Variants in ST8SIA4 observed in about 807,000 individuals in gnomAD.
The protein encoded by ST8SIA4 is CMP-N-acetylneuraminate-poly-alpha-2,8-sialyltransferase.
A neutral mutation model predicts 33.9 loss-of-function variants in ST8SIA4; 15 were observed. The ratio of observed to expected loss-of-function variants is 0.44; its 90% CI spans 0.30 to 0.68. The LOEUF is 0.68. Among genes scored for constraint, ST8SIA4 ranks in the 30% least tolerant of loss-of-function variants. The pLI is 0.10. For missense variants in ST8SIA4, 321 were observed against 428.0 expected, an observed-to-expected ratio of 0.75 and a Z score of 2.21; for synonymous variants, 171 against 151.2, an observed-to-expected ratio of 1.13 and a Z score of -0.96.
chr5:100,853,020 G>T (rs903720447), intron 4 of ST8SIA4, among the ~76,000 whole-genome samples: 1 of 152,108 alleles, frequency 6.6e-6, no homozygotes, highest in Non-Finnish European at 1.5e-5. Flanking sequence ...CTCATGAGAG[G>T]CAACCAACTC....
At chr5:100,861,971 C>T (rs1158718560) in intron 3 of ST8SIA4, among the ~76,000 whole-genome samples, 4 of 152,150 alleles carry the variant, frequency 2.6e-5, no homozygotes, top group Non-Finnish European at 5.9e-5. Flanking sequence ...CATGCTCTTT[C>T]CTTTTACAAT....
In ST8SIA4 at chr5:100,809,841, C is replaced by T. The variant is rs1368004444; in HGVS notation, c.*2006G>A. ...ATTAGATTTTACTTACTTAGAGACA[C>T]ATACATTCTCAAAAGATGTAATATT... On this transcript the variant is annotated 3_prime_UTR_variant, in exon 5 of 5. Transcript: ENST00000231461. The T allele has an allele frequency of 6.6e-6, 1 of 152,060 alleles. No homozygotes were observed. Among genetic ancestry groups the T allele is most frequent in the East Asian group, 1.9e-4 (1 of 5,194 alleles). The allele number at this position is 152,060 out of a possible 1,614,324, so 9.4% of individuals were successfully genotyped here. A position where few individuals can be genotyped will look rare whatever the true frequency, so the allele number is the denominator to read the frequency against.
intron 2 of ST8SIA4, chr5:100,890,842 A>G (rs990774560): frequency 6.6e-6 from 1 of 151,672 alleles, no homozygotes; most frequent in Non-Finnish European, 1.5e-5. Context: ...CATAAAAACT[A>G]TTTTTTTTGT....
rs114635319 is a variant in ST8SIA4, at chr5:100,840,923, C to G, written c.797+15180G>C. Among the ~76,000 whole-genome samples the G allele has an allele frequency of 9.0e-3, 1,371 of 151,900 alleles. 17 individuals are homozygous for G. Among genetic ancestry groups the G allele is most frequent in the African/African-American group, 0.031 (1,301 of 41,502 alleles). ...AGTAAGTACCCCTTTCCCTGGCCCC[C>G]ACCTAATCCATTTGCAATCACAGTA... On this transcript the variant is annotated intron_variant, in intron 4 of 4. Coordinates refer to ENST00000231461, the MANE Select transcript of ST8SIA4 (RefSeq NM_005668.6).
chr5:100,833,807 C>G (rs1228267395), intron 4 of ST8SIA4, among the ~76,000 whole-genome samples: 1 of 152,054 alleles, frequency 6.6e-6, no homozygotes, highest in Non-Finnish European at 1.5e-5. Context: ...TTTAATCAGT[C>G]CCCTAACTCA....
chr5:100,823,398 C>G (rs1751074052), intron 4 of ST8SIA4, among the ~76,000 whole-genome samples: 1 of 152,134 alleles, frequency 6.6e-6, no homozygotes, highest in Non-Finnish European at 1.5e-5. Context: ...ATGAAGTAGC[C>G]ATTCTTATAT....
intron 2 of ST8SIA4, among the ~76,000 whole-genome samples, chr5:100,889,526 A>G (rs1353722187): frequency 6.6e-6 from 1 of 152,000 alleles, no homozygotes; most frequent in Non-Finnish European, 1.5e-5. Flanking sequence ...TTGGTCAAAA[A>G]AGTTAACACA....
At chr5:100,877,929 C>T (rs1318358450) in intron 3 of ST8SIA4, among the ~76,000 whole-genome samples, 1 of 152,138 alleles carries the variant, frequency 6.6e-6, no homozygotes, top group Non-Finnish European at 1.5e-5. Flanking sequence ...TCCGTCTTTA[C>T]TACCCCTCAA....
intron 4 of ST8SIA4, among the ~76,000 whole-genome samples, chr5:100,830,932 T>C (rs1269540963): frequency 6.6e-6 from 1 of 152,222 alleles, no homozygotes; most frequent in Non-Finnish European, 1.5e-5. Flanking sequence ...TGTTTTATTA[T>C]GTTTACTTAG....
intron 4 of ST8SIA4, among the ~76,000 whole-genome samples, chr5:100,847,729 C>T (rs549465743): frequency 4.6e-5 from 7 of 152,024 alleles, no homozygotes; most frequent in Admixed American, 6.6e-5. Context: ...GAATACTACC[C>T]AGATGAGAAG....
chr5:100,807,260 G>A lies in ST8SIA4; in HGVS notation c.*4587C>T, dbSNP rs1000263701. 2.0e-5 allele frequency: 3 copies of A among 152,396 alleles called. No homozygotes were observed. Among genetic ancestry groups the A allele is most frequent in the Admixed American group, 6.6e-5 (1 of 15,260 alleles). 9.4% of individuals were successfully genotyped at this position (152,396 alleles called of 1,614,324 possible). A position where few individuals can be genotyped will look rare whatever the true frequency, so the allele number is the denominator to read the frequency against. On this transcript the variant is annotated 3_prime_UTR_variant, in exon 5 of 5. Coordinates refer to ENST00000231461, the MANE Select transcript of ST8SIA4 (RefSeq NM_005668.6). The stretch of plus-strand genomic sequence containing the variant: ...TACAAATGATAAAACAATAATACCC[G>A]GTTGCTATACACAAACAATAAGAAA...
intron 4 of ST8SIA4, among the ~76,000 whole-genome samples, chr5:100,846,998 G>A (rs1191735224): frequency 1.3e-5 from 2 of 152,070 alleles, no homozygotes; most frequent in Admixed American, 6.6e-5. Context: ...CTGAAGTTCC[G>A]GAAGTGTGCA....
At chr5:100,899,000 T>G (rs1752838438) in intron 1 of ST8SIA4, among the ~76,000 whole-genome samples, 1 of 152,198 alleles carries the variant, frequency 6.6e-6, no homozygotes, top group African/African-American at 2.4e-5. Flanking sequence ...GAATTAATCA[T>G]TTTTTAGGTA....
chr5:100,899,568 C>A (rs975865428), intron 1 of ST8SIA4, among the ~76,000 whole-genome samples: 3 of 152,092 alleles, frequency 2.0e-5, no homozygotes, highest in African/African-American at 7.2e-5. Context: ...TAAGAGAGAT[C>A]TTTGGATAAT....
Position 100,844,944 on chromosome 5 carries a change from T to C in ST8SIA4, c.797+11159A>G, listed in dbSNP as rs532796641. On this transcript the variant is annotated intron_variant, in intron 4 of 4. Transcript: ENST00000231461. ...CCAATAGGAATCTGATATGGCACACTAGTCTCTGAAAAAGTTGGCAGAATG... is the reference window on the plus strand; with the variant it reads ...CCAATAGGAATCTGATATGGCACACCAGTCTCTGAAAAAGTTGGCAGAATG... Among the ~76,000 whole-genome samples the C allele has an allele frequency of 3.9e-5, 6 of 152,190 alleles. No homozygotes were observed. The South Asian group carries it at 8.3e-4, about 21-fold the overall frequency.
chr5:100,866,072 C>A (rs2112451191), intron 3 of ST8SIA4, among the ~76,000 whole-genome samples: 1 of 152,206 alleles, frequency 6.6e-6, no homozygotes, highest in East Asian at 1.9e-4. Flanking sequence ...TTCTCAGTGC[C>A]TTCAGAATTA....
chr5:100,850,897 G>T (rs913757237), intron 4 of ST8SIA4, among the ~76,000 whole-genome samples: 1 of 149,928 alleles, frequency 6.7e-6, no homozygotes, highest in Admixed American at 6.6e-5. Flanking sequence ...ATTTGAAAAG[G>T]TAATATAAGA....
At chr5:100,894,582 T>G (rs1033834543) in intron 2 of ST8SIA4, among the ~76,000 whole-genome samples, 4 of 152,104 alleles carry the variant, frequency 2.6e-5, no homozygotes, top group African/African-American at 9.6e-5. Context: ...GATGCCCATA[T>G]TTTTAAAATT....
intron 2 of ST8SIA4, among the ~76,000 whole-genome samples, chr5:100,887,197 G>A (rs1003724442): frequency 2.6e-5 from 4 of 152,068 alleles, no homozygotes; most frequent in East Asian, 1.9e-4. Flanking sequence ...AGTCCTGGAA[G>A]TAAGATGGAT....
Sources: gnomAD v4.1 joint callset for allele counts (sites outside exome capture counted in the v4.1 genomes callset) on GRCh38, gnomAD v4.1.1 for gene constraint, MANE v1.5 for transcripts, NCBI Gene and HGNC (gene_info 2026-07-23, HGNC 2026-07-21) for gene names.